The following NKTR variants were observed in gnomAD, a reference collection of about 807,000 sequenced individuals.
NKTR encodes the protein natural killer cell triggering receptor, also known as NK-tumor recognition protein.
Under a neutral mutation model 156.3 loss-of-function variants are expected in NKTR, and 67 were observed. The ratio of observed to expected loss-of-function variants is 0.43; its 90% confidence interval spans 0.35 to 0.53. The LOEUF (loss-of-function observed/expected upper bound fraction) is 0.53. NKTR is among the 20% of genes least tolerant of loss of function. The pLI, the probability that NKTR is intolerant of heterozygous loss-of-function variation, is 0.01. For synonymous variants in NKTR, 640 were observed against 596.6 expected, an observed-to-expected ratio of 1.07 and a Z score of -1.06; for missense variants, 1,604 against 1,730.9, an observed-to-expected ratio of 0.93 and a Z score of 1.30.
chr3:42,640,624 C>T (rs549124928), intron 13 of NKTR, among the ~76,000 whole-genome samples: 4 of 152,208 alleles, frequency 2.6e-5, no homozygotes, highest in African/African-American at 9.6e-5. Context: ...GGAACCGCCA[C>T]GTGCCATCTA....
chr3:42,632,568 A>T, intron 8 of NKTR, 33 bp from the exon 9 acceptor site: 1 of 1,345,170 alleles, frequency 7.4e-7, no homozygotes, highest in Non-Finnish European at 1.0e-6. Context: ...CACTGAATTT[A>T]GTACTAATGT....
Position 42,632,791 on chromosome 3 carries a change from G to A in NKTR, c.741G>A (p.Glu247=), listed in dbSNP as rs747200204. 1 of 1,605,742 alleles carries A rather than the reference G, an allele frequency of 6.2e-7. No individual in the cohort carries two copies. Among genetic ancestry groups the A allele is most frequent in the Non-Finnish European group, 8.5e-7 (1 of 1,176,782 alleles). ...KRRKEASSSE[E]PRNKHAMNPK... ...GAAAGGAAGCAAGCAGTTCAGAAGA[G>A]CCAAGGAATAAACATGCAATGAACC... Residue 247 remains glutamate (E), a synonymous_variant, in exon 9 of 17, where the codon GAG becomes GAA. Transcript: ENST00000232978.
At chr3:42,606,875 T>G (rs1201676659) in intron 2 of NKTR, among the ~76,000 whole-genome samples, 2 of 152,038 alleles carry the variant, frequency 1.3e-5, no homozygotes, top group African/African-American at 4.8e-5. Flanking sequence ...TGGCTTTTTT[T>G]TTAGAGACAG....
intron 6 of NKTR, among the ~76,000 whole-genome samples, chr3:42,625,658 G>A (rs1029782234): frequency 6.6e-6 from 1 of 152,118 alleles, no homozygotes; most frequent in Non-Finnish European, 1.5e-5. Context: ...TATGTAAGAA[G>A]AAATGCTAGT....
intron 4 of NKTR, 122 bp downstream of exon 4, chr3:42,619,249 C>T (rs2125782745): frequency 1.3e-6 from 2 of 1,495,308 alleles, no homozygotes; most frequent in East Asian, 4.9e-5. Flanking sequence ...TCAGTGAATA[C>T]TTGTTGGATG....
Position 42,638,677 on chromosome 3 carries a change from A to G in NKTR, c.2973A>G (p.Lys991=). The change falls in exon 13 of 17, where the codon AAA becomes AAG. Residue 991 remains lysine (K), a synonymous_variant. Transcript: ENST00000232978. ...AAAATCTTAAAAGAGAACACACCAA[A>G]AAAGTGAAAGAGAAATTGAAAGGGA... The part of the protein sequence containing the change: ...SKENLKREHT[K]KVKEKLKGKK... 1 of 1,611,874 alleles carries G rather than the reference A, an allele frequency of 6.2e-7. No individual in the cohort carries two copies. Among genetic ancestry groups the G allele is most frequent in the African/African-American group, 1.3e-5 (1 of 74,740 alleles).
At position 42,620,888 on chromosome 3, in the gene NKTR, T is replaced by C. The variant is rs1014152229; in HGVS notation, c.287-541T>C. 7 of 947,386 alleles carry C rather than the reference T, an allele frequency of 7.4e-6. No individual in the cohort carries two copies. In the African/African-American group the frequency reaches 1.2e-4, roughly 17 times the overall value. The allele number at this position is 947,386 out of a possible 1,614,324, so 58.7% of individuals were successfully genotyped here. A position where few individuals can be genotyped will look rare whatever the true frequency, so the allele number is the denominator to read the frequency against. ...CAGGGCTTTCTTCCTTAGATAATTT[T>C]GTGATACAATTGAGTATACACATAC... On this transcript the variant is annotated intron_variant, in intron 5 of 16. Transcript: ENST00000232978.
rs1228732738 is a variant in NKTR at position 42,646,980 on chromosome 3, T to C, written c.*1005T>C. ...TGTGTGCCTCTGGAAGAGTGAAGAA[T>C]GGACTTCAAAAGTAACATCAAAAAT... is the stretch of plus-strand genomic sequence containing the variant. On this transcript the variant is annotated 3_prime_UTR_variant, in exon 17 of 17. Coordinates refer to ENST00000232978, the MANE Select transcript of NKTR (RefSeq NM_005385.4). The C allele has an allele frequency of 6.6e-6, 1 of 152,072 alleles. No homozygotes were observed. The highest frequency in any genetic ancestry group is 1.5e-5 in the Non-Finnish European group (1 of 68,042). 9.4% of individuals were successfully genotyped at this position (152,072 alleles called of 1,614,324 possible).
chr3:42,616,208 C>T (rs1052951096), intron 2 of NKTR, among the ~76,000 whole-genome samples: 8 of 152,066 alleles, frequency 5.3e-5, no homozygotes, highest in African/African-American at 1.9e-4. Flanking sequence ...GCTTGGTCCA[C>T]AGTTAATTTT....
At chr3:42,615,180 G>A (rs1707231917) in intron 2 of NKTR, among the ~76,000 whole-genome samples, 1 of 151,760 alleles carries the variant, frequency 6.6e-6, no homozygotes, top group South Asian at 2.1e-4. Context: ...CCAGGTTCAA[G>A]CGATTCTTTT....
At chr3:42,630,051 C>T in intron 6 of NKTR, 6 of 985,466 alleles carry the variant, frequency 6.1e-6, no homozygotes, top group Non-Finnish European at 7.2e-6. Flanking sequence ...CCTCTGCCTG[C>T]CTAAAAATGT....
rs752895825 is a variant in NKTR, at chr3:42,617,666, A to G, written c.133+22A>G. The G allele has an allele frequency of 3.0e-5, 41 of 1,359,164 alleles. No homozygotes were observed. The Admixed American group carries it at 4.4e-4, about 15-fold the overall frequency. 84.2% of individuals were successfully genotyped at this position (1,359,164 alleles called of 1,614,324 possible). A position where few individuals can be genotyped will look rare whatever the true frequency, so the allele number is the denominator to read the frequency against. ...TCAGGTAAGTGAATTATTATTTCCA[A>G]TGAGAAGCTGTGGCTTACAGTTTTA... On this transcript the variant is annotated intron_variant, in intron 3 of 16. Transcript: ENST00000232978.
At position 42,637,161 on chromosome 3, in the gene NKTR, G is replaced by T. The variant is rs752594603; in HGVS notation, c.1457G>T (p.Arg486Leu). The T allele has an allele frequency of 1.7e-5, 28 of 1,611,690 alleles. No homozygotes were observed. The highest frequency in any genetic ancestry group is 2.4e-5 in the Non-Finnish European group (28 of 1,179,448). Residue 486 changes from arginine (R) to leucine (L), a missense_variant, in exon 13 of 17, where the codon CGT becomes CTT. Physicochemically the swap from Arg to Leu is moderately radical, Grantham distance 102. Transcript: ENST00000232978. ...TCTTGTGATAGAGAAAGGAGTTCTCGTTCTTCCTCATTGTCATCTCATCAC... is the reference window on the plus strand; with the variant it reads ...TCTTGTGATAGAGAAAGGAGTTCTCTTTCTTCCTCATTGTCATCTCATCAC... ...KSSCDRERSS[R>L]SSSLSSHHSS...
At chr3:42,625,024 A>G (rs530847086) in intron 6 of NKTR, among the ~76,000 whole-genome samples, 1 of 152,304 alleles carries the variant, frequency 6.6e-6, no homozygotes, top group South Asian at 2.1e-4. Flanking sequence ...TTTCTTAAAC[A>G]TTGGTATAAA....
chr3:42,631,249 A>G lies in NKTR; in HGVS notation c.483A>G (p.Ala161=). Residue 161 remains alanine, a synonymous_variant, in exon 8 of 17, where the codon GCA becomes GCG. Coordinates refer to ENST00000232978, the MANE Select transcript of NKTR (RefSeq NM_005385.4). The part of the protein sequence containing the change: ...EQIENLKTDA[A]SRPYADVRVI... ...TTGAAAATCTGAAGACCGATGCTGC[A>G]AGCAGACCATATGCAGATGTGCGAG... 1.2e-6 allele frequency: 2 copies of G among 1,614,124 alleles called. No individual in the cohort carries two copies. The highest frequency in any genetic ancestry group is 1.1e-5 in the South Asian group (1 of 91,082).
In NKTR at chr3:42,642,577, C is replaced by G; in HGVS notation, c.4123C>G (p.Arg1375Gly). 1 of 1,613,982 alleles carries G rather than the reference C, an allele frequency of 6.2e-7. No individual in the cohort carries two copies. Among genetic ancestry groups the G allele is most frequent in the Non-Finnish European group, 8.5e-7 (1 of 1,179,844 alleles). Residue 1375 changes from arginine (R) to glycine (G), a missense_variant, in exon 14 of 17, where the codon CGG (arginine) becomes GGG (glycine). Transcript: ENST00000232978. ...AACCAGAAGCCGGAGCAGTTCCTACCGGAGTTACAAAAGTCACAGGTGAGC... is the reference window on the plus strand; with the variant it reads ...AACCAGAAGCCGGAGCAGTTCCTACGGGAGTTACAAAAGTCACAGGTGAGC... ...GRTRSRSSSY[R>G]SYKSHRTSSR...
chr3:42,636,173 A>G (rs1709394925), intron 12 of NKTR, among the ~76,000 whole-genome samples: 1 of 152,200 alleles, frequency 6.6e-6, no homozygotes, highest in African/African-American at 2.4e-5. Context: ...GTAATCTTCC[A>G]TGGTAGTATT....
In NKTR at chr3:42,639,242, A is replaced by C; in HGVS notation, c.3538A>C (p.Ser1180Arg). 1 of 1,614,210 alleles carries C rather than the reference A, an allele frequency of 6.2e-7. No individual in the cohort carries two copies. Among genetic ancestry groups the C allele is most frequent in the Non-Finnish European group, 8.5e-7 (1 of 1,180,030 alleles). The change falls in exon 13 of 17, where the codon AGC becomes CGC. Residue 1180 changes from serine to arginine, a missense_variant. Physicochemically the swap from Ser to Arg is moderately radical, Grantham distance 110. Transcript: ENST00000232978. ...TCAAGCAGAGGTAGTAAAACAGGAAAGCAGCATGTCCGAAAGTAAAGTGTT... is the reference window on the plus strand; with the variant it reads ...TCAAGCAGAGGTAGTAAAACAGGAACGCAGCATGTCCGAAAGTAAAGTGTT... Reference protein sequence around the residue: ...HPQAEVVKQESSMSESKVLGE... With the variant: ...HPQAEVVKQERSMSESKVLGE...
In NKTR at chr3:42,638,472, G is replaced by T; in HGVS notation, c.2768G>T (p.Ser923Ile). 1 of 1,611,464 alleles carries T rather than the reference G, an allele frequency of 6.2e-7. No individual in the cohort carries two copies. The highest frequency in any genetic ancestry group is 1.3e-5 in the African/African-American group (1 of 74,876). The change falls in exon 13 of 17, where the codon AGT becomes ATT. Residue 923 changes from serine (S) to isoleucine (I), a missense_variant. Coordinates refer to ENST00000232978, the MANE Select transcript of NKTR (RefSeq NM_005385.4). The stretch of plus-strand genomic sequence containing the variant: ...ACATCCGATTCTGAATCAGAGGTTA[G>T]TGAAATTCACATCAAAGTCAAACCC... ...EATSDSESEVSEIHIKVKPTT... is the reference protein window; with the variant it reads ...EATSDSESEVIEIHIKVKPTT...
Sources: allele counts gnomAD v4.1 joint callset (sites outside exome capture counted in the v4.1 genomes callset), GRCh38; gene constraint gnomAD v4.1.1; transcripts MANE v1.5; gene names NCBI Gene and HGNC (gene_info 2026-07-23, HGNC 2026-07-21).